Variants in PCM1 observed in about 807,000 individuals in gnomAD.
PCM1 encodes pericentriolar material 1 protein.
In PCM1, 157 loss-of-function variants were observed where a neutral mutation model predicts 241.9. The ratio of observed to expected loss-of-function variants is 0.65; its 90% confidence interval spans 0.57 to 0.74. PCM1 has a LOEUF of 0.74. Among genes scored for constraint, PCM1 ranks in the 30% least tolerant of loss-of-function variants. The pLI is 0.00. For synonymous variants in PCM1, 1,085 were observed against 784.9 expected, an observed-to-expected ratio of 1.38 and a Z score of -6.39; for missense variants, 3,478 against 2,360.1, an observed-to-expected ratio of 1.47 and a Z score of -9.81.
intron 6 of PCM1, among the ~76,000 whole-genome samples, chr8:17,946,474 T>C (rs568881422): frequency 2.0e-5 from 3 of 152,216 alleles, no homozygotes; most frequent in African/African-American, 7.2e-5. Flanking sequence ...TTTTTAAATA[T>C]TACTTCTAGT....
rs2069287031 is a variant in PCM1 at position 17,957,763 on chromosome 8, T to G, written c.2028T>G (p.Val676=). Residue 676 remains valine (V), a synonymous_variant, in exon 13 of 39, where the codon GTT becomes GTG. Transcript: ENST00000325083. ...KQKLRQLQDL[V]AMVQDDDAAQ... Reference sequence around the variant, plus strand: ...AACTTAGACAGTTACAAGATCTTGTTGCTATGGTACAGGTAAATATTGCTT... The same window carrying G: ...AACTTAGACAGTTACAAGATCTTGTGGCTATGGTACAGGTAAATATTGCTT... The G allele has an allele frequency of 3.1e-6, 5 of 1,610,062 alleles. No individual in the cohort carries two copies. In the East Asian group the frequency reaches 1.1e-4, roughly 36 times the overall value.
At chr8:18,018,850 GTGTATATATATATATATATATA>G (rs2093481835) in intron 36 of PCM1, among the ~76,000 whole-genome samples, 1 of 39,374 alleles carries the variant, frequency 2.5e-5, no homozygotes, top group South Asian at 5.8e-4. Context: ...GTGTGTGTGT[GTGTATATATATATATATATATA>G]TATATATACA....
At chr8:17,997,521 T>C (rs1028418896) in intron 29 of PCM1, among the ~76,000 whole-genome samples, 1 of 152,140 alleles carries the variant, frequency 6.6e-6, no homozygotes, top group Non-Finnish European at 1.5e-5. Flanking sequence ...GTAGGTGTGC[T>C]TTATTGTGTT....
At chr8:18,016,033 C>T (rs1265677442) in intron 36 of PCM1, among the ~76,000 whole-genome samples, 1 of 152,168 alleles carries the variant, frequency 6.6e-6, no homozygotes, top group Non-Finnish European at 1.5e-5. Flanking sequence ...GGATTACAGA[C>T]GTGTGTCACC....
intron 6 of PCM1, among the ~76,000 whole-genome samples, chr8:17,941,522 T>A (rs1563737544): frequency 6.7e-6 from 1 of 148,640 alleles, no homozygotes; most frequent in Non-Finnish European, 1.5e-5. Flanking sequence ...GTGGATTGAT[T>A]TTTGTTTTTT....
intron 27 of PCM1, among the ~76,000 whole-genome samples, chr8:17,990,228 G>T (rs1408437034): frequency 1.3e-5 from 2 of 151,964 alleles, no homozygotes; most frequent in African/African-American, 2.4e-5. Context: ...CTATGTTCTT[G>T]TGAAAATATA....
At chr8:17,977,823 A>C (rs2079286483) in intron 23 of PCM1, among the ~76,000 whole-genome samples, 1 of 152,148 alleles carries the variant, frequency 6.6e-6, no homozygotes, top group African/African-American at 2.4e-5. Context: ...TTGCTTGACC[A>C]CAGGAATGAG....
chr8:17,959,039 C>T (rs573698986), intron 13 of PCM1, among the ~76,000 whole-genome samples: 1 of 152,162 alleles, frequency 6.6e-6, no homozygotes, highest in Admixed American at 6.5e-5. Context: ...CTGTCTTTAC[C>T]TCCATTAATA....
intron 6 of PCM1, among the ~76,000 whole-genome samples, chr8:17,940,651 A>T (rs545031390): frequency 6.6e-6 from 1 of 152,312 alleles, no homozygotes; most frequent in Non-Finnish European, 1.5e-5. Flanking sequence ...CGAGAGAAAG[A>T]CTAGTAAATG....
intron 13 of PCM1, 52 bp from the exon 14 acceptor site, chr8:17,959,962 G>A (rs2070886834): frequency 1.9e-6 from 3 of 1,543,744 alleles, no homozygotes; most frequent in Non-Finnish European, 2.7e-6. Context: ...GGTATGAATT[G>A]GATAATGTCT....
At chr8:17,989,806 A>T in intron 26 of PCM1, 53 bp from the exon 27 acceptor site, 3 of 1,215,668 alleles carry the variant, frequency 2.5e-6, no homozygotes, top group Non-Finnish European at 3.5e-6. Context: ...TAGATTATTA[A>T]TATGAAATTC....
intron 2 of PCM1, among the ~76,000 whole-genome samples, chr8:17,931,242 A>G (rs1210586222): frequency 6.6e-6 from 1 of 152,132 alleles, no homozygotes; most frequent in Non-Finnish European, 1.5e-5. Flanking sequence ...TTTAGGGGGA[A>G]TTTATTGTGA....
intron 2 of PCM1, among the ~76,000 whole-genome samples, chr8:17,928,522 G>C (rs2057864113): frequency 6.8e-6 from 1 of 147,352 alleles, no homozygotes; most frequent in African/African-American, 2.5e-5. Flanking sequence ...CTAATCATTT[G>C]TCTTTTGCTC....
chr8:17,985,181 T>G (rs927384789), intron 24 of PCM1, among the ~76,000 whole-genome samples: 9 of 151,868 alleles, frequency 5.9e-5, no homozygotes, highest in African/African-American at 1.9e-4. Flanking sequence ...TTTTATATGA[T>G]CAGAAATAAA....
intron 27 of PCM1, among the ~76,000 whole-genome samples, chr8:17,990,737 C>T (rs767866372): frequency 2.0e-5 from 3 of 152,096 alleles, no homozygotes; most frequent in Non-Finnish European, 4.4e-5. Context: ...TGTTTGTTCA[C>T]GTGATGAAGA....
chr8:18,022,575 C>T (rs989367294), intron 36 of PCM1, among the ~76,000 whole-genome samples: 2 of 152,202 alleles, frequency 1.3e-5, no homozygotes, highest in African/African-American at 2.4e-5. Context: ...TGACTTCGCA[C>T]TGGGAAGAAG....
chr8:18,012,812 TGA>T (rs1336713807), intron 34 of PCM1, among the ~76,000 whole-genome samples: 3 of 152,216 alleles, frequency 2.0e-5, no homozygotes, highest in African/African-American at 7.2e-5. Flanking sequence ...GGTTTTACTT[TGA>T]GAGATTTTCT....
At chr8:18,017,624 C>A (rs990472250) in intron 36 of PCM1, among the ~76,000 whole-genome samples, 1 of 152,182 alleles carries the variant, frequency 6.6e-6, no homozygotes, top group African/African-American at 2.4e-5. Flanking sequence ...GAGGCCAAGG[C>A]AGGCAGATCA....
intron 36 of PCM1, among the ~76,000 whole-genome samples, chr8:18,022,024 G>C (rs1326334470): frequency 6.6e-6 from 1 of 152,124 alleles, no homozygotes; most frequent in Non-Finnish European, 1.5e-5. Context: ...GGATCTTTTG[G>C]AAACAACAGC....
Sources: allele counts gnomAD v4.1 joint callset (sites outside exome capture counted in the v4.1 genomes callset), GRCh38; gene constraint gnomAD v4.1.1; transcripts MANE v1.5; gene names NCBI Gene and HGNC (gene_info 2026-07-23, HGNC 2026-07-21).